Variants in ATP6V0A1 observed in about 807,000 individuals in gnomAD.
The protein encoded by ATP6V0A1 is ATPase H+ transporting V0 subunit a1, also known as V-type proton ATPase 116 kDa subunit a 1.
In ATP6V0A1, 43 loss-of-function variants were observed where a neutral mutation model predicts 105.4. That is an observed-to-expected ratio of 0.41 (90% CI 0.32 to 0.53). ATP6V0A1 has a LOEUF of 0.53. ATP6V0A1 is among the 20% of genes least tolerant of loss of function. The pLI is 0.30. For missense variants in ATP6V0A1, 676 were observed against 1,051.1 expected (o/e 0.64, Z 4.93); for synonymous variants, 362 against 372.8 (o/e 0.97, Z 0.33).
chr17:42,460,776 C>T (rs2086311829), intron 1 of ATP6V0A1, 72 bp from the exon 2 acceptor site: 9 of 749,088 alleles, frequency 1.2e-5, no homozygotes, highest in South Asian at 3.1e-5. Context: ...ATGCAAGAGC[C>T]GTAGTGGGGT....
Position 42,507,615 on chromosome 17 carries a change from GGACGCA to G in ATP6V0A1, c.2105_2110del (p.Ala702_Asp703del). On this transcript the variant is annotated inframe_deletion, in exon 18 of 22. Transcript: ENST00000343619. ...ATGACCAGCTCTCCACCCACTCAGAGGACGCAGACGAGGTAAGATCCCGTGGTGTGG... is the reference window on the plus strand; with the variant it reads ...ATGACCAGCTCTCCACCCACTCAGAGGACGAGGTAAGATCCCGTGGTGTGG... 5.0e-6 allele frequency: 8 copies of G among 1,613,870 alleles called. No individual in the cohort carries two copies. The highest frequency in any genetic ancestry group is 5.9e-6 in the Non-Finnish European group (7 of 1,179,866).
At chr17:42,515,996 A>G (rs2092608206) in intron 21 of ATP6V0A1, among the ~76,000 whole-genome samples, 1 of 152,018 alleles carries the variant, frequency 6.6e-6, no homozygotes, top group South Asian at 2.1e-4. Context: ...CAAAACCCCA[A>G]TGTCTCTGGA....
At chr17:42,484,349 G>A (rs775159864) in intron 9 of ATP6V0A1, among the ~76,000 whole-genome samples, 10 of 152,160 alleles carry the variant, frequency 6.6e-5, no homozygotes, top group Admixed American at 3.9e-4. Flanking sequence ...GAGCCACCGC[G>A]CCCGGCTGAT....
intron 7 of ATP6V0A1, among the ~76,000 whole-genome samples, chr17:42,479,457 A>G (rs899522101): frequency 6.6e-6 from 1 of 152,254 alleles, no homozygotes; most frequent in Non-Finnish European, 1.5e-5. Context: ...CTAAACCTGC[A>G]TTTAGGTATG....
intron 18 of ATP6V0A1, 98 bp downstream of exon 18, chr17:42,507,725 T>G (rs2239970): frequency 0.028 from 28,026 of 1,015,538 alleles, 1,593 homozygotes; most frequent in African/African-American, 0.16. Context: ...CCTTGAAAAA[T>G]AAAAATACTA....
chr17:42,515,712 CA>C (rs1648575287), intron 21 of ATP6V0A1, among the ~76,000 whole-genome samples: 1 of 152,082 alleles, frequency 6.6e-6, no homozygotes, highest in South Asian at 2.1e-4. Flanking sequence ...CGCTTGAACC[CA>C]GGAAGTGGAG....
At chr17:42,512,724 C>T (rs1053154511) in intron 19 of ATP6V0A1, among the ~76,000 whole-genome samples, 13 of 152,202 alleles carry the variant, frequency 8.5e-5, no homozygotes, top group African/African-American at 2.4e-4. Flanking sequence ...CTCCCATCCC[C>T]ATGTTCTCAG....
intron 17 of ATP6V0A1, among the ~76,000 whole-genome samples, chr17:42,502,601 A>G (rs1567857726): frequency 2.0e-5 from 3 of 152,160 alleles, no homozygotes; most frequent in Non-Finnish European, 4.4e-5. Flanking sequence ...GGAAAACCCA[A>G]ACGATCTTGT....
chr17:42,486,887 T>A (rs1196336363), intron 9 of ATP6V0A1, among the ~76,000 whole-genome samples: 11 of 152,230 alleles, frequency 7.2e-5, no homozygotes, highest in African/African-American at 2.4e-4. Context: ...TTGTTGTGCC[T>A]TGGATTGGTG....
At chr17:42,502,858 C>G (rs906489033) in intron 17 of ATP6V0A1, 1 of 152,626 alleles carries the variant, frequency 6.6e-6, no homozygotes, top group African/African-American at 2.4e-5. Context: ...GAGGCAGCAG[C>G]GGCTGCAACA....
Position 42,483,033 on chromosome 17 carries a change from T to C in ATP6V0A1, c.717-5T>C, listed in dbSNP as rs1295963119. On this transcript the variant is annotated splice_region_variant and splice_polypyrimidine_tract_variant and intron_variant, in intron 8 of 21. Coordinates refer to ENST00000343619, the MANE Select transcript of ATP6V0A1 (RefSeq NM_001130021.3). ...TTAAGAAACTTCGATGTTCTTATATTCCAGGTTCCGAGCCTCACTCTATCC... is the reference window on the plus strand; with the variant it reads ...TTAAGAAACTTCGATGTTCTTATATCCCAGGTTCCGAGCCTCACTCTATCC... 4.1e-6 allele frequency: 6 copies of C among 1,470,478 alleles called. No homozygotes were observed. The highest frequency in any genetic ancestry group is 5.4e-6 in the Non-Finnish European group (6 of 1,103,850). 91.1% of individuals were successfully genotyped at this position (1,470,478 alleles called of 1,614,324 possible). A position where few individuals can be genotyped will look rare whatever the true frequency, so the allele number is the denominator to read the frequency against.
intron 11 of ATP6V0A1, 116 bp downstream of exon 11, chr17:42,490,753 A>C: frequency 9.2e-7 from 1 of 1,081,432 alleles, no homozygotes; most frequent in Non-Finnish European, 1.3e-6. Context: ...CAGCAGCACG[A>C]CTGTAGTTCA....
intron 20 of ATP6V0A1, 82 bp downstream of exon 20, chr17:42,514,060 G>A: frequency 6.9e-7 from 1 of 1,445,978 alleles, no homozygotes; most frequent in Non-Finnish European, 9.7e-7. Context: ...AAGTCAAATG[G>A]AAATTACATG....
intron 2 of ATP6V0A1, 56 bp from the exon 3 acceptor site, chr17:42,466,373 A>T: frequency 6.9e-7 from 1 of 1,456,958 alleles, no homozygotes; most frequent in Non-Finnish European, 9.6e-7. Context: ...TTGCTTGAGA[A>T]ACAGAAGAAA....
intron 4 of ATP6V0A1, among the ~76,000 whole-genome samples, chr17:42,468,555 A>G (rs923721547): frequency 4.6e-5 from 7 of 152,100 alleles, no homozygotes; most frequent in African/African-American, 1.7e-4. Context: ...CACCCTTCAT[A>G]GCCTCTGGTA....
intron 5 of ATP6V0A1, among the ~76,000 whole-genome samples, chr17:42,471,855 C>G (rs1321962639): frequency 2.6e-5 from 4 of 152,052 alleles, no homozygotes; most frequent in African/African-American, 9.7e-5. Flanking sequence ...GGAGTCTTAG[C>G]TTTCAACTTG....
chr17:42,481,991 G>A (rs574877482), intron 8 of ATP6V0A1, among the ~76,000 whole-genome samples: 2 of 152,128 alleles, frequency 1.3e-5, no homozygotes, highest in Non-Finnish European at 2.9e-5. Flanking sequence ...GCAGATGCGT[G>A]CCAGCACACC....
chr17:42,490,867 A>C (rs915781886), intron 11 of ATP6V0A1, among the ~76,000 whole-genome samples: 2 of 151,760 alleles, frequency 1.3e-5, no homozygotes, highest in Admixed American at 6.6e-5. Flanking sequence ...TTTTTATTTT[A>C]TGATTTTTTT....
chr17:42,503,667 A>G (rs985406238), intron 17 of ATP6V0A1, among the ~76,000 whole-genome samples: 3 of 152,244 alleles, frequency 2.0e-5, no homozygotes. Flanking sequence ...CATTACTTCT[A>G]TGTGCTCGAA....
Sources: allele counts gnomAD v4.1 joint callset (sites outside exome capture counted in the v4.1 genomes callset), GRCh38; gene constraint gnomAD v4.1.1; transcripts MANE v1.5; gene names NCBI Gene and HGNC (gene_info 2026-07-23, HGNC 2026-07-21).